The following AKAP6 variants were observed in gnomAD, a reference collection of about 807,000 sequenced individuals.
The protein encoded by AKAP6 is A-kinase anchor protein 6.
In AKAP6, 58 loss-of-function variants were observed where a neutral mutation model predicts 188.5. The observed-to-expected ratio is 0.31, with a 90% confidence interval of 0.25 to 0.38. The LOEUF is 0.38. Among genes scored for constraint, AKAP6 ranks in the 10% least tolerant of loss-of-function variants. The pLI is 1.00. For synonymous variants in AKAP6, 989 were observed against 998.6 expected (o/e 0.99, Z 0.18); for missense variants, 2,710 against 2,740.0 (o/e 0.99, Z 0.24).
intron 2 of AKAP6, among the ~76,000 whole-genome samples, chr14:32,472,128 A>G (rs904655482): frequency 5.3e-5 from 8 of 152,202 alleles, no homozygotes; most frequent in South Asian, 2.1e-4. Flanking sequence ...GAGGGAAGTA[A>G]ATCAACCAGA....
In AKAP6 at chr14:32,510,494, A is replaced by ATG. The variant is rs1566547077; in HGVS notation, c.325-25059_325-25058insGT. On this transcript the variant is annotated intron_variant, in intron 2 of 13. Coordinates refer to ENST00000280979, the MANE Select transcript of AKAP6 (RefSeq NM_004274.5). ...TATATATACATATATATATGTGTAT[A>ATG]TATATATATATGAAGAATTACCTAC... Among the ~76,000 whole-genome samples, 22 of 137,432 alleles carry ATG rather than the reference A, an allele frequency of 1.6e-4. 1 individual carries two copies. Among genetic ancestry groups the ATG allele is most frequent in the African/African-American group, 6.0e-4 (21 of 34,768 alleles). The allele number at this position is 137,432 out of a possible 152,430, so 90.2% of individuals were successfully genotyped here.
At chr14:32,677,146 A>G (rs1889465467) in intron 7 of AKAP6, among the ~76,000 whole-genome samples, 1 of 152,166 alleles carries the variant, frequency 6.6e-6, no homozygotes, top group Non-Finnish European at 1.5e-5. Flanking sequence ...CATTTTTCAT[A>G]GGCTACCCAT....
At chr14:32,604,888 C>T (rs911249647) in intron 7 of AKAP6, among the ~76,000 whole-genome samples, 5 of 152,230 alleles carry the variant, frequency 3.3e-5, no homozygotes, top group African/African-American at 7.2e-5. Flanking sequence ...TAAACATGTG[C>T]CATAGTGATT....
intron 2 of AKAP6, chr14:32,495,259 G>T (rs1880248087): frequency 1.3e-5 from 2 of 152,240 alleles, no homozygotes. Context: ...TGAGTTACAA[G>T]ATCTGGGCTT....
intron 3 of AKAP6, among the ~76,000 whole-genome samples, chr14:32,537,969 G>A (rs1882761839): frequency 6.6e-6 from 1 of 152,170 alleles, no homozygotes; most frequent in Admixed American, 6.5e-5. Flanking sequence ...TTGATTGGAA[G>A]CAGTTTAGTG....
intron 7 of AKAP6, among the ~76,000 whole-genome samples, chr14:32,672,583 T>G (rs562652767): frequency 6.6e-6 from 1 of 152,212 alleles, no homozygotes; most frequent in South Asian, 2.1e-4. Context: ...ACCCCCACCC[T>G]TGTGACCTCG....
chr14:32,700,986 G>A (rs1198429964), intron 9 of AKAP6, among the ~76,000 whole-genome samples: 1 of 152,104 alleles, frequency 6.6e-6, no homozygotes, highest in Admixed American at 6.6e-5. Context: ...TGAGATCTTT[G>A]TACTTTCAGA....
chr14:32,816,745 A>G (rs1424895471), intron 12 of AKAP6, among the ~76,000 whole-genome samples: 1 of 152,092 alleles, frequency 6.6e-6, no homozygotes. Flanking sequence ...GTAAATATGT[A>G]CACCTTTATT....
chr14:32,601,021 G>A (rs998359407), intron 7 of AKAP6, among the ~76,000 whole-genome samples: 2 of 152,116 alleles, frequency 1.3e-5, no homozygotes, highest in Admixed American at 6.6e-5. Context: ...GGCAGGGTAG[G>A]TGGGGGACAG....
intron 2 of AKAP6, among the ~76,000 whole-genome samples, chr14:32,469,097 T>C (rs1378100349): frequency 1.3e-5 from 2 of 152,192 alleles, no homozygotes; most frequent in Admixed American, 6.5e-5. Context: ...TGGGGTGTAC[T>C]GTGAGAACTG....
intron 12 of AKAP6, among the ~76,000 whole-genome samples, chr14:32,781,613 T>C (rs888700904): frequency 1.3e-5 from 2 of 152,142 alleles, no homozygotes; most frequent in African/African-American, 4.8e-5. Flanking sequence ...ACAAGAAAAC[T>C]GCTGGATGAT....
intron 12 of AKAP6, among the ~76,000 whole-genome samples, chr14:32,808,895 A>G (rs1264148804): frequency 1.3e-5 from 2 of 152,196 alleles, no homozygotes; most frequent in Admixed American, 1.3e-4. Flanking sequence ...TTGGCACTGC[A>G]CAGAACTGAA....
At chr14:32,566,221 T>C (rs1884180357) in intron 4 of AKAP6, among the ~76,000 whole-genome samples, 2 of 152,174 alleles carry the variant, frequency 1.3e-5, no homozygotes, top group Admixed American at 1.3e-4. Flanking sequence ...GAAGTAGAAA[T>C]AGAAATCCAG....
Position 32,433,733 on chromosome 14 carries a change from C to T in AKAP6, c.240C>T (p.Thr80=). ...LPEIETWLRM[T]SERVRDLTYS... ...AAATTGAGACCTGGCTCCGGATGACCTCAGAGAGGGTCCGAGACCTAACCT... is the reference window on the plus strand; with the variant it reads ...AAATTGAGACCTGGCTCCGGATGACTTCAGAGAGGGTCCGAGACCTAACCT... Residue 80 remains threonine (T), a synonymous_variant, in exon 2 of 14, where the codon ACC becomes ACT. Coordinates refer to ENST00000280979, the MANE Select transcript of AKAP6 (RefSeq NM_004274.5). 1 of 1,614,174 alleles carries T rather than the reference C, an allele frequency of 6.2e-7. No individual in the cohort carries two copies.
intron 2 of AKAP6, among the ~76,000 whole-genome samples, chr14:32,528,713 T>C (rs1882255982): frequency 6.6e-6 from 1 of 152,204 alleles, no homozygotes; most frequent in Non-Finnish European, 1.5e-5. Context: ...AGTCTAGCTC[T>C]GTCCCCCAGG....
intron 2 of AKAP6, among the ~76,000 whole-genome samples, chr14:32,511,277 G>A (rs568571139): frequency 1.3e-5 from 2 of 152,106 alleles, no homozygotes; most frequent in South Asian, 4.1e-4. Flanking sequence ...AAGATGCCAT[G>A]CAATTCCAAA....
At chr14:32,529,515 G>T (rs1882298751) in intron 2 of AKAP6, among the ~76,000 whole-genome samples, 1 of 152,102 alleles carries the variant, frequency 6.6e-6, no homozygotes, top group Non-Finnish European at 1.5e-5. Context: ...TGTTGTAAAG[G>T]AGTGCTGAGA....
intron 5 of AKAP6, 134 bp downstream of exon 5, chr14:32,577,376 C>A: frequency 8.8e-7 from 1 of 1,132,646 alleles, no homozygotes; most frequent in Non-Finnish European, 1.2e-6. Flanking sequence ...TAATGGGTCA[C>A]AGAAGATGAA....
chr14:32,465,596 G>T (rs1378214287), intron 2 of AKAP6, among the ~76,000 whole-genome samples: 1 of 152,126 alleles, frequency 6.6e-6, no homozygotes, highest in Admixed American at 6.5e-5. Context: ...ACTCAAGATG[G>T]ATTAAGATAT....
Sources: gnomAD v4.1 joint callset for allele counts (sites outside exome capture counted in the v4.1 genomes callset) on GRCh38, gnomAD v4.1.1 for gene constraint, MANE v1.5 for transcripts, NCBI Gene and HGNC (gene_info 2026-07-23, HGNC 2026-07-21) for gene names.